The following ETFDH variants were observed in gnomAD, a reference collection of about 807,000 sequenced individuals.
ETFDH encodes the protein electron transfer flavoprotein-ubiquinone oxidoreductase, mitochondrial.
In ETFDH, 61 loss-of-function variants were observed where a neutral mutation model predicts 73.2. The observed-to-expected ratio is 0.83, with a 90% confidence interval of 0.68 to 1.03. The LOEUF (loss-of-function observed/expected upper bound fraction) is 1.03, where lower values mean the gene tolerates loss of function less well. ETFDH is among the 50% of genes least tolerant of loss of function. The pLI is 0.00. For missense variants in ETFDH, 685 were observed against 745.0 expected (o/e 0.92, Z 0.94); for synonymous variants, 243 against 253.3 (o/e 0.96, Z 0.39).
chr4:158,697,950 A>G (rs1774355428), intron 8 of ETFDH, among the ~76,000 whole-genome samples: 1 of 152,236 alleles, frequency 6.6e-6, no homozygotes, highest in African/African-American at 2.4e-5. Flanking sequence ...AGTAAGTTTC[A>G]TAATAACTGT....
chr4:158,685,526 C>T (rs1398381684), intron 5 of ETFDH, among the ~76,000 whole-genome samples: 1 of 152,174 alleles, frequency 6.6e-6, no homozygotes, highest in Admixed American at 6.5e-5. Context: ...CAGAACAAAT[C>T]TATGCCCTCT....
At position 158,672,615 on chromosome 4, in the gene ETFDH, AG is replaced by A; in HGVS notation, c.34+127del. The stretch of plus-strand genomic sequence containing the variant: ...AGCTTTCTCAGGCTATCTAGGGCAA[AG>A]GTCACGCGCTGTCAGCCTGTTGGGG... On this transcript the variant is annotated intron_variant, in intron 1 of 12. Coordinates refer to ENST00000511912, the MANE Select transcript of ETFDH (RefSeq NM_004453.4). 6 of 994,004 alleles carry A rather than the reference AG, an allele frequency of 6.0e-6. 1 individual carries two copies. In the South Asian group the frequency reaches 8.0e-5, roughly 13 times the overall value. The allele number at this position is 994,004 out of a possible 1,614,324, so 61.6% of individuals were successfully genotyped here.
chr4:158,686,080 A>G (rs2150306984), intron 5 of ETFDH, among the ~76,000 whole-genome samples: 1 of 152,316 alleles, frequency 6.6e-6, no homozygotes, highest in South Asian at 2.1e-4. Context: ...GTCTTAAGGT[A>G]GAGAATGGAA....
chr4:158,704,843 G>A (rs1318434567), intron 10 of ETFDH, among the ~76,000 whole-genome samples: 1 of 152,162 alleles, frequency 6.6e-6, no homozygotes, highest in Non-Finnish European at 1.5e-5. Context: ...GAGATGAAGT[G>A]GAAAACAGAA....
intron 6 of ETFDH, among the ~76,000 whole-genome samples, chr4:158,692,904 T>C (rs2150310111): frequency 6.8e-6 from 1 of 147,132 alleles, no homozygotes; most frequent in Middle Eastern, 3.5e-3. Context: ...TATATATATA[T>C]ATATGGTTTT....
At position 158,684,622 on chromosome 4, in the gene ETFDH, A is replaced by G. The variant is rs1362426743; in HGVS notation, c.436A>G (p.Arg146Gly). 1 of 1,585,610 alleles carries G rather than the reference A, an allele frequency of 6.3e-7. No individual in the cohort carries two copies. The change falls in exon 4 of 13, where the codon AGA becomes GGA. Residue 146 changes from arginine (R) to glycine (G), a missense_variant. Arg to Gly is a moderately radical substitution (Grantham distance 125). Around this residue, in one of 3 missense-constraint regions of ETFDH, gnomAD observed 405 missense variants for 399.3 expected, o/e 1.01. Transcript: ENST00000511912. ...APLNTPVTEDRFGILTEKYRI... is the reference protein window; with the variant it reads ...APLNTPVTEDGFGILTEKYRI... ...ACTTAACACTCCTGTAACAGAAGAC[A>G]GATTTGGAATTTTAACAGAGAAATA...
chr4:158,677,855 A>G (rs1364998528), intron 1 of ETFDH, among the ~76,000 whole-genome samples: 1 of 152,188 alleles, frequency 6.6e-6, no homozygotes. Context: ...CTGGCCAAGA[A>G]GAGAGTCCAT....
chr4:158,701,531 C>G (rs1274695047), intron 9 of ETFDH, among the ~76,000 whole-genome samples: 2 of 152,230 alleles, frequency 1.3e-5, no homozygotes, highest in Non-Finnish European at 2.9e-5. Context: ...AGCATTCCTT[C>G]TGCCCCCTAG....
chr4:158,680,728 C>A, intron 2 of ETFDH, 121 bp downstream of exon 2: 1 of 835,976 alleles, frequency 1.2e-6, no homozygotes, highest in Non-Finnish European at 2.0e-6. Flanking sequence ...TGTGGCTTTA[C>A]CAAGTCACAT....
chr4:158,689,759 C>T (rs1225992934), intron 5 of ETFDH, among the ~76,000 whole-genome samples: 1 of 151,296 alleles, frequency 6.6e-6, no homozygotes, highest in Non-Finnish European at 1.5e-5. Flanking sequence ...ATCCAGCGAG[C>T]ATTTTCCTCC....
Position 158,708,568 on chromosome 4 carries a change from G to C in ETFDH, c.*41G>C, listed in dbSNP as rs1455041100. 6.5e-7 allele frequency: 1 copy of C among 1,531,308 alleles called. No homozygotes were observed. The highest frequency in any genetic ancestry group is 1.4e-5 in the African/African-American group (1 of 73,286). 94.9% of individuals were successfully genotyped at this position (1,531,308 alleles called of 1,614,324 possible). A position where few individuals can be genotyped will look rare whatever the true frequency, so the allele number is the denominator to read the frequency against. On this transcript the variant is annotated 3_prime_UTR_variant, in exon 13 of 13. Transcript: ENST00000511912. ...TTTCTTTCAAGTATGGCAAGCTAAC[G>C]TTAAAATGTTTAGAGATTAACAGAT...
chr4:158,706,716 T>G lies in ETFDH; in HGVS notation c.1556T>G (p.Leu519Trp), dbSNP rs1270988246. Reference sequence around the variant, plus strand: ...GATGGACAGATCAGTTTTGACCTCTTGTCATCTGTGGCTCTGAGTGGTACT... The same window carrying G: ...GATGGACAGATCAGTTTTGACCTCTGGTCATCTGTGGCTCTGAGTGGTACT... ...KPDGQISFDL[L>W]SSVALSGTNH... is the part of the protein sequence containing the mutation. The change falls in exon 12 of 13, where the codon TTG becomes TGG. Residue 519 changes from leucine to tryptophan, a missense_variant. Physicochemically the swap from Leu to Trp is moderately conservative, Grantham distance 61. Coordinates refer to ENST00000511912, the MANE Select transcript of ETFDH (RefSeq NM_004453.4). 2 of 1,613,962 alleles carry G rather than the reference T, an allele frequency of 1.2e-6. No individual in the cohort carries two copies. Among genetic ancestry groups the G allele is most frequent in the African/African-American group, 2.7e-5 (2 of 74,928 alleles).
chr4:158,694,678 T>C (rs559150453), intron 6 of ETFDH, among the ~76,000 whole-genome samples: 2 of 152,234 alleles, frequency 1.3e-5, no homozygotes, highest in African/African-American at 4.8e-5. Context: ...GGAACAGTTA[T>C]ATCTGTCACT....
Position 158,672,430 on chromosome 4 carries a change from C to T in ETFDH, c.-27C>T. ...CAGCGGACAGTCCTCCTGTTGTGTC[C>T]GACCGAGAGTCCTGGTGACTTTGAA... On this transcript the variant is annotated 5_prime_UTR_variant, in exon 1 of 13. Coordinates refer to ENST00000511912, the MANE Select transcript of ETFDH (RefSeq NM_004453.4). 6.2e-7 allele frequency: 1 copy of T among 1,613,896 alleles called. No individual in the cohort carries two copies. The highest frequency in any genetic ancestry group is 8.5e-7 in the Non-Finnish European group (1 of 1,179,812).
chr4:158,707,339 C>T (rs962033696), intron 12 of ETFDH, among the ~76,000 whole-genome samples: 2 of 152,164 alleles, frequency 1.3e-5, no homozygotes, highest in Non-Finnish European at 2.9e-5. Context: ...TTCCGATACT[C>T]GAAAAGTAGT....
chr4:158,674,779 ACATTAGGTTT>A (rs1456333988), intron 1 of ETFDH, among the ~76,000 whole-genome samples: 15 of 152,328 alleles, frequency 9.8e-5, no homozygotes, highest in African/African-American at 3.6e-4. Context: ...TGTATACCTA[ACATTAGGTTT>A]TCACGTACAA....
At chr4:158,707,367 T>C (rs866263312) in intron 12 of ETFDH, among the ~76,000 whole-genome samples, 2 of 152,336 alleles carry the variant, frequency 1.3e-5, no homozygotes, top group Admixed American at 6.5e-5. Context: ...CAAAAGAAGA[T>C]ACACTGTGAC....
At chr4:158,693,199 G>C (rs1774223565) in intron 6 of ETFDH, among the ~76,000 whole-genome samples, 1 of 152,166 alleles carries the variant, frequency 6.6e-6, no homozygotes, top group Non-Finnish European at 1.5e-5. Flanking sequence ...CAATCTGGTG[G>C]ACAGGTCTCT....
Position 158,708,420 on chromosome 4 carries a change from G to A in ETFDH, c.1747G>A (p.Ala583Thr), listed in dbSNP as rs780666554. 1.9e-6 allele frequency: 3 copies of A among 1,611,412 alleles called. No individual in the cohort carries two copies. In the South Asian group the frequency reaches 3.3e-5, roughly 18 times the overall value. The stretch of plus-strand genomic sequence containing the variant: ...TGATGGATTTCGGTTACAGATAAAT[G>A]CTCAGAACTGTGTACATTGTAAAAC... ...QGDGFRLQIN[A>T]QNCVHCKTCD... The change falls in exon 13 of 13, where the codon GCT becomes ACT. Residue 583 changes from alanine to threonine, a missense_variant. Ala to Thr is a moderately conservative substitution (Grantham distance 58). Around this residue, in one of 3 missense-constraint regions of ETFDH, gnomAD observed 201 missense variants for 225.2 expected, o/e 0.89. Transcript: ENST00000511912.
Sources: allele counts gnomAD v4.1 joint callset (sites outside exome capture counted in the v4.1 genomes callset), GRCh38; gene constraint gnomAD v4.1.1; regional missense constraint gnomAD v4.1.1; transcripts MANE v1.5; gene names NCBI Gene and HGNC (gene_info 2026-07-23, HGNC 2026-07-21).